The following KIAA1217 variants were observed in gnomAD, a reference collection of about 807,000 sequenced individuals.
The protein encoded by KIAA1217 is KIAA1217, also known as sickle tail protein homolog.
In KIAA1217, 88 loss-of-function variants were observed where a neutral mutation model predicts 163.9. The ratio of observed to expected loss-of-function variants is 0.54; its 90% CI spans 0.45 to 0.64. The LOEUF is 0.64. Ranked by LOEUF, KIAA1217 falls within the 30% of genes least tolerant of loss-of-function variation. The pLI is 0.00. For missense variants in KIAA1217, 2,372 were observed against 2,475.0 expected (o/e 0.96, Z 0.88); for synonymous variants, 903 against 923.1 (o/e 0.98, Z 0.39).
intron 2 of KIAA1217, among the ~76,000 whole-genome samples, chr10:24,278,522 A>G (rs2077551156): frequency 6.6e-6 from 1 of 152,230 alleles, no homozygotes; most frequent in East Asian, 1.9e-4. Context: ...AGTGGCAGAC[A>G]CAATGTGGGC....
At chr10:23,975,226 A>G (rs1479135760) in intron 1 of KIAA1217, among the ~76,000 whole-genome samples, 3 of 152,140 alleles carry the variant, frequency 2.0e-5, no homozygotes, top group Non-Finnish European at 4.4e-5. Flanking sequence ...TGGCCCCTCA[A>G]ACTTTGTTTG....
At chr10:23,796,420 A>G (rs1376718966) in intron 1 of KIAA1217, among the ~76,000 whole-genome samples, 3 of 151,846 alleles carry the variant, frequency 2.0e-5, no homozygotes, top group Admixed American at 6.6e-5. Flanking sequence ...CTGGAGTGCA[A>G]TGGCATGACC....
chr10:24,324,456 A>G (rs1439109973), intron 2 of KIAA1217, among the ~76,000 whole-genome samples: 1 of 152,168 alleles, frequency 6.6e-6, no homozygotes, highest in African/African-American at 2.4e-5. Flanking sequence ...AATCCTAGCT[A>G]CTGAGGAGGC....
intron 1 of KIAA1217, among the ~76,000 whole-genome samples, chr10:23,885,874 A>G (rs1212020232): frequency 1.3e-5 from 2 of 151,956 alleles, no homozygotes; most frequent in South Asian, 2.1e-4. Context: ...CATGAACACA[A>G]TCAATTCCAA....
intron 1 of KIAA1217, among the ~76,000 whole-genome samples, chr10:23,757,086 T>C (rs1833956312): frequency 6.6e-6 from 1 of 152,198 alleles, no homozygotes; most frequent in Non-Finnish European, 1.5e-5. Flanking sequence ...TGTTCCATTG[T>C]ATGTGTAGAT....
intron 3 of KIAA1217, among the ~76,000 whole-genome samples, chr10:24,418,931 A>G (rs1591773329): frequency 6.6e-6 from 1 of 151,900 alleles, no homozygotes. Flanking sequence ...AATCCCAGCA[A>G]TTTGGGAGGC....
At chr10:23,975,614 A>C (rs187347930) in intron 1 of KIAA1217, among the ~76,000 whole-genome samples, 1 of 152,262 alleles carries the variant, frequency 6.6e-6, no homozygotes, top group Admixed American at 6.5e-5. Context: ...GGTAGAAGGG[A>C]CTTCCCATGT....
intron 2 of KIAA1217, among the ~76,000 whole-genome samples, chr10:24,252,648 A>T (rs74596113): frequency 6.6e-6 from 1 of 152,170 alleles, no homozygotes; most frequent in South Asian, 2.1e-4. Context: ...GGAAAAAAAA[A>T]ATAACCATTC....
At chr10:23,790,565 G>GTATATATACATATGTATATGTACATA (rs1835855882) in intron 1 of KIAA1217, among the ~76,000 whole-genome samples, 1 of 72,000 alleles carries the variant, frequency 1.4e-5, no homozygotes, top group African/African-American at 9.6e-5. Flanking sequence ...ATGTACATAT[G>GTATATATACATATGTATATGTACATA]TATATATACA....
In KIAA1217 at chr10:24,027,285, G is replaced by A. The variant is rs919054114; in HGVS notation, c.-171+19911G>A. Among the ~76,000 whole-genome samples the A allele has an allele frequency of 7.2e-5, 11 of 152,090 alleles. No homozygotes were observed. The South Asian group carries it at 2.3e-3, about 32-fold the overall frequency. On this transcript the variant is annotated intron_variant, in intron 2 of 18. Transcript: ENST00000376462. Reference sequence around the variant, plus strand: ...TGGAAACTCTTCAGATGGTGACCTGGGGCATTCACTGGGCTTACCACATTT... The same window carrying A: ...TGGAAACTCTTCAGATGGTGACCTGAGGCATTCACTGGGCTTACCACATTT...
At chr10:24,396,522 G>C (rs2055773740) in intron 3 of KIAA1217, among the ~76,000 whole-genome samples, 1 of 152,136 alleles carries the variant, frequency 6.6e-6, no homozygotes, top group Non-Finnish European at 1.5e-5. Flanking sequence ...AAGGGATACA[G>C]AGAGCGCTGA....
intron 2 of KIAA1217, 146 bp downstream of exon 2, chr10:24,220,055 G>C (rs1310457014): frequency 1.1e-5 from 9 of 842,586 alleles, no homozygotes; most frequent in Non-Finnish European, 1.5e-5. Flanking sequence ...TTGGGGCCTT[G>C]GGAGGAGGAA....
intron 17 of KIAA1217, among the ~76,000 whole-genome samples, chr10:24,541,667 G>C (rs2075110957): frequency 6.6e-6 from 1 of 152,142 alleles, no homozygotes; most frequent in African/African-American, 2.4e-5. Flanking sequence ...GTTATGTCAG[G>C]GCCTGAGGCT....
intron 1 of KIAA1217, among the ~76,000 whole-genome samples, chr10:23,866,098 A>G (rs956388125): frequency 6.6e-5 from 10 of 152,152 alleles, no homozygotes; most frequent in African/African-American, 2.2e-4. Flanking sequence ...ATTATTTCAC[A>G]CACTTCCAAA....
At chr10:23,935,202 G>A (rs538552232) in intron 1 of KIAA1217, among the ~76,000 whole-genome samples, 67 of 152,288 alleles carry the variant, frequency 4.4e-4, no homozygotes, top group Admixed American at 1.0e-3. Flanking sequence ...TCCGTGTGTG[G>A]AATTCTTGGC....
At chr10:23,913,971 G>A (rs10828573) in intron 1 of KIAA1217, among the ~76,000 whole-genome samples, 61,925 of 152,006 alleles carry the variant, frequency 0.41, 15,649 homozygotes, top group African/African-American at 0.72. Flanking sequence ...CTGGAGCCAG[G>A]TGGCTCCTAG....
rs192332202 is a variant in KIAA1217 at position 23,923,807 on chromosome 10, G to C, written c.-320-83418G>C. Among the ~76,000 whole-genome samples the C allele has an allele frequency of 1.9e-3, 291 of 152,098 alleles. 2 individuals carry two copies. Among genetic ancestry groups the C allele is most frequent in the African/African-American group, 6.5e-3 (270 of 41,486 alleles). On this transcript the variant is annotated intron_variant, in intron 1 of 18. Coordinates refer to the KIAA1217 transcript ENST00000376462. ...AACAAATCTGAGTGGTTTTTTGTTT[G>C]TTTTTGTTTTTTAAATTTGAGTATA...
chr10:24,083,253 T>G (rs756433568), intron 2 of KIAA1217, among the ~76,000 whole-genome samples: 2 of 152,176 alleles, frequency 1.3e-5, no homozygotes, highest in Non-Finnish European at 2.9e-5. Flanking sequence ...CTGCTGTCTT[T>G]TGTGCCACAG....
intron 2 of KIAA1217, among the ~76,000 whole-genome samples, chr10:24,303,445 G>A (rs1590774274): frequency 6.6e-6 from 1 of 152,214 alleles, no homozygotes; most frequent in Non-Finnish European, 1.5e-5. Context: ...CATGACTAGG[G>A]TGGTGGCCAT....
Sources: gnomAD v4.1 joint callset for allele counts (sites outside exome capture counted in the v4.1 genomes callset) on GRCh38, gnomAD v4.1.1 for gene constraint, MANE v1.5 for transcripts, NCBI Gene and HGNC (gene_info 2026-07-23, HGNC 2026-07-21) for gene names.